Variants in AUTS2 observed in about 807,000 individuals in gnomAD.
The protein encoded by AUTS2 is autism susceptibility gene 2 protein.
Under a neutral mutation model 112.4 loss-of-function variants are expected in AUTS2, and 17 were observed. That is an observed-to-expected ratio of 0.15 (90% CI 0.10 to 0.23). The LOEUF (loss-of-function observed/expected upper bound fraction) is 0.23, where lower values mean the gene tolerates loss of function less well. Among genes scored for constraint, AUTS2 ranks in the 10% least tolerant of loss-of-function variants. The probability of loss-of-function intolerance (pLI) is 1.00; values close to 1 mark genes in which losing one functional copy is unlikely to be tolerated. For synonymous variants in AUTS2, 751 were observed against 702.7 expected (o/e 1.07, Z -1.09); for missense variants, 1,510 against 1,701.6 (o/e 0.89, Z 1.98).
intron 4 of AUTS2, among the ~76,000 whole-genome samples, chr7:70,411,094 A>G (rs182760414): frequency 6.6e-6 from 1 of 151,980 alleles, no homozygotes; most frequent in Non-Finnish European, 1.5e-5. Flanking sequence ...CGAACTCCTG[A>G]CCTCAGGTGA....
intron 1 of AUTS2, among the ~76,000 whole-genome samples, chr7:69,814,582 G>C (rs768226526): frequency 1.2e-4 from 19 of 152,216 alleles, no homozygotes; most frequent in Non-Finnish European, 2.4e-4. Context: ...GTCTGGAGCC[G>C]CTCTAACCCA....
chr7:70,253,154 G>A (rs190331417), intron 4 of AUTS2, among the ~76,000 whole-genome samples: 12 of 152,206 alleles, frequency 7.9e-5, no homozygotes, highest in African/African-American at 2.6e-4. Context: ...AATGGCTCCT[G>A]TAACCTAGTG....
intron 2 of AUTS2, among the ~76,000 whole-genome samples, chr7:69,991,356 A>G (rs1022736095): frequency 1.3e-5 from 2 of 152,202 alleles, no homozygotes; most frequent in Admixed American, 6.5e-5. Context: ...CATTTCGTTC[A>G]TCCTTTGGGC....
At chr7:70,197,391 C>CGCAGAAGA (rs1562781581) in intron 4 of AUTS2, among the ~76,000 whole-genome samples, 1 of 151,200 alleles carries the variant, frequency 6.6e-6, no homozygotes, top group Admixed American at 6.6e-5. Context: ...GCGTGAGCGA[C>CGCAGAAGA]GCAGAAGACG....
At chr7:70,169,796 G>C (rs564899336) in intron 4 of AUTS2, among the ~76,000 whole-genome samples, 1 of 151,966 alleles carries the variant, frequency 6.6e-6, no homozygotes, top group Non-Finnish European at 1.5e-5. Context: ...GAAACATTAC[G>C]GGGTATGATT....
At chr7:69,854,890 T>G (rs1792649156) in intron 1 of AUTS2, among the ~76,000 whole-genome samples, 2 of 152,344 alleles carry the variant, frequency 1.3e-5, no homozygotes, top group South Asian at 4.1e-4. Context: ...ACTCATTTTC[T>G]ATTTCTAGAG....
At chr7:70,169,093 C>A (rs960989158) in intron 4 of AUTS2, among the ~76,000 whole-genome samples, 2 of 152,012 alleles carry the variant, frequency 1.3e-5, no homozygotes, top group Non-Finnish European at 2.9e-5. Flanking sequence ...AAAACAGGCT[C>A]AGGGCTTAGG....
At chr7:69,699,184 G>C (rs779435875) in intron 1 of AUTS2, among the ~76,000 whole-genome samples, 59 of 152,074 alleles carry the variant, frequency 3.9e-4, no homozygotes, top group Non-Finnish European at 7.8e-4. Flanking sequence ...ATTTTTGCTG[G>C]TATCTTATTA....
chr7:70,762,791 C>A, intron 6 of AUTS2, 79 bp from the exon 7 acceptor site: 2 of 1,069,064 alleles, frequency 1.9e-6, no homozygotes, highest in Non-Finnish European at 2.9e-6. Context: ...TGTGTGATAG[C>A]CTTGGAGTTT....
chr7:70,484,305 C>T (rs893404839), intron 5 of AUTS2, among the ~76,000 whole-genome samples: 8 of 152,230 alleles, frequency 5.3e-5, no homozygotes, highest in African/African-American at 1.9e-4. Context: ...ACTCTACTTA[C>T]CCTCGGGCCC....
chr7:69,687,132 T>C (rs1053974773), intron 1 of AUTS2, among the ~76,000 whole-genome samples: 9 of 152,202 alleles, frequency 5.9e-5, no homozygotes, highest in Admixed American at 3.9e-4. Context: ...TATTGGAAAA[T>C]TACAGGACAG....
intron 2 of AUTS2, among the ~76,000 whole-genome samples, chr7:70,103,154 A>G (rs1164435681): frequency 2.6e-5 from 4 of 152,172 alleles, no homozygotes; most frequent in Non-Finnish European, 5.9e-5. Flanking sequence ...ACACACTGCA[A>G]TGTGTTATAA....
At chr7:70,433,801 G>A (rs1051037796) in intron 4 of AUTS2, among the ~76,000 whole-genome samples, 3 of 152,128 alleles carry the variant, frequency 2.0e-5, no homozygotes, top group South Asian at 2.1e-4. Context: ...CTTTTACTAC[G>A]GAGTGCTTAG....
chr7:70,380,919 T>C (rs998692312), intron 4 of AUTS2, among the ~76,000 whole-genome samples: 5 of 152,232 alleles, frequency 3.3e-5, no homozygotes, highest in Non-Finnish European at 7.3e-5. Flanking sequence ...CATTTATCTT[T>C]GGCTAAAAAA....
At chr7:70,550,327 T>C (rs971556301) in intron 5 of AUTS2, among the ~76,000 whole-genome samples, 2 of 152,224 alleles carry the variant, frequency 1.3e-5, no homozygotes, top group Non-Finnish European at 2.9e-5. Context: ...AGCATGTTAG[T>C]GTCGACCCAT....
intron 4 of AUTS2, among the ~76,000 whole-genome samples, chr7:70,388,923 G>A (rs1301336483): frequency 6.6e-6 from 1 of 152,074 alleles, no homozygotes; most frequent in African/African-American, 2.4e-5. Flanking sequence ...AACTCAATGA[G>A]GAGATAAATA....
At chr7:70,507,946 C>T (rs1195367080) in intron 5 of AUTS2, among the ~76,000 whole-genome samples, 1 of 152,118 alleles carries the variant, frequency 6.6e-6, no homozygotes, top group Non-Finnish European at 1.5e-5. Context: ...AAAAATATTC[C>T]AAAGACTTAA....
chr7:70,757,869 G>C (rs763256037), intron 6 of AUTS2, among the ~76,000 whole-genome samples: 1 of 128,692 alleles, frequency 7.8e-6, no homozygotes, highest in African/African-American at 3.2e-5. Flanking sequence ...AGGCTTGAGC[G>C]TAAGTAGTGC....
chr7:70,290,759 C>A, intron 4 of AUTS2: 1 of 745,360 alleles, frequency 1.3e-6, no homozygotes, highest in Non-Finnish European at 1.8e-6. Context: ...TGTAACGTTT[C>A]TACTAATAAA....
Sources: gnomAD v4.1 joint callset for allele counts (sites outside exome capture counted in the v4.1 genomes callset) on GRCh38, gnomAD v4.1.1 for gene constraint, MANE v1.5 for transcripts, NCBI Gene and HGNC (gene_info 2026-07-23, HGNC 2026-07-21) for gene names.